DLGAP2: variants seen among roughly 807,000 people sequenced by gnomAD.
The protein encoded by DLGAP2 is DLG associated protein 2.
In DLGAP2, 26 loss-of-function variants were observed where a neutral mutation model predicts 100.3. The ratio of observed to expected loss-of-function variants is 0.26; its 90% CI spans 0.19 to 0.36. The LOEUF is 0.36. Among genes scored for constraint, DLGAP2 ranks in the 10% least tolerant of loss-of-function variants. The pLI, the probability that DLGAP2 is intolerant of heterozygous loss-of-function variation, is 1.00. For synonymous variants in DLGAP2, 886 were observed against 630.1 expected (o/e 1.41, Z -6.08); for missense variants, 1,858 against 1,453.2 (o/e 1.28, Z -4.53).
At chr8:900,216 G>A (rs539300503) in intron 1 of DLGAP2, among the ~76,000 whole-genome samples, 21 of 149,984 alleles carry the variant, frequency 1.4e-4, no homozygotes, top group South Asian at 6.4e-4. Context: ...GCTCCCGGGC[G>A]GACGGTGGGC....
chr8:1,433,245 G>T (rs905551287), intron 3 of DLGAP2, among the ~76,000 whole-genome samples: 1 of 152,178 alleles, frequency 6.6e-6, no homozygotes, highest in South Asian at 2.1e-4. Context: ...TGCTTCCTGT[G>T]CCTCTGGCAA....
chr8:1,313,654 T>C lies in DLGAP2; in HGVS notation c.106+54771T>C, dbSNP rs115057825. ...ATTCAGGCTTCACAGCGGCAGGCTCTGTCCCGGGATACCTCAAGTCCCACC... is the reference window on the plus strand; with the variant it reads ...ATTCAGGCTTCACAGCGGCAGGCTCCGTCCCGGGATACCTCAAGTCCCACC... On this transcript the variant is annotated intron_variant, in intron 3 of 14. Transcript: ENST00000637795. 3.8e-3 allele frequency among the ~76,000 whole-genome samples: 585 copies of C among 152,322 alleles called. 4 individuals are homozygous for C. Among genetic ancestry groups the C allele is most frequent in the African/African-American group, 0.014 (566 of 41,578 alleles).
chr8:1,451,964 A>G (rs1798172137), intron 3 of DLGAP2, among the ~76,000 whole-genome samples: 1 of 152,016 alleles, frequency 6.6e-6, no homozygotes, highest in Admixed American at 6.6e-5. Context: ...CCCATATCTG[A>G]CTCTTAAAAC....
intron 1 of DLGAP2, among the ~76,000 whole-genome samples, chr8:886,813 G>T (rs1033556501): frequency 3.3e-5 from 5 of 152,234 alleles, no homozygotes; most frequent in African/African-American, 1.2e-4. Context: ...CATAATAGTT[G>T]CCATGTGGCA....
intron 2 of DLGAP2, among the ~76,000 whole-genome samples, chr8:1,173,736 A>G (rs1457684015): frequency 6.6e-6 from 1 of 152,148 alleles, no homozygotes; most frequent in Non-Finnish European, 1.5e-5. Context: ...CATCGGAAAA[A>G]GCACAGTATT....
rs536070735 is a variant in DLGAP2 at position 1,696,331 on chromosome 8, T to C, written c.2797-816T>C. On this transcript the variant is annotated intron_variant, in intron 13 of 14. Transcript: ENST00000637795. ...CCCTGGGCAACACAGCCAGACCCCA[T>C]TGCTACAAAATTAAAGAAATTAGCT... Among the ~76,000 whole-genome samples the C allele has an allele frequency of 4.6e-5, 7 of 152,178 alleles. No individual in the cohort carries two copies. The South Asian group carries it at 1.2e-3, about 27-fold the overall frequency.
chr8:1,430,011 T>TATATACAC (rs1554467364), intron 3 of DLGAP2, among the ~76,000 whole-genome samples: 1 of 63,960 alleles, frequency 1.6e-5, no homozygotes, highest in African/African-American at 5.5e-5. Context: ...TATATACATA[T>TATATACAC]ATATATATAT....
chr8:1,050,304 A>G (rs2123058), intron 2 of DLGAP2, among the ~76,000 whole-genome samples: 48,000 of 152,130 alleles, frequency 0.32, 7,888 homozygotes, highest in Middle Eastern at 0.39. Flanking sequence ...TGAATGCCAT[A>G]CGAGTGCCCC....
At chr8:1,541,126 G>C (rs11136407) in intron 4 of DLGAP2, among the ~76,000 whole-genome samples, 68,599 of 152,064 alleles carry the variant, frequency 0.45, 15,603 homozygotes, top group East Asian at 0.58. Flanking sequence ...AATTTGCGGA[G>C]GATGTAAACT....
intron 3 of DLGAP2, among the ~76,000 whole-genome samples, chr8:1,442,777 A>G (rs1047283746): frequency 2.0e-5 from 3 of 148,118 alleles, no homozygotes; most frequent in African/African-American, 7.8e-5. Context: ...CCGGGCATAG[A>G]CCCACCAGGC....
intron 3 of DLGAP2, among the ~76,000 whole-genome samples, chr8:1,417,051 G>T (rs990027082): frequency 1.9e-4 from 27 of 143,674 alleles, no homozygotes; most frequent in African/African-American, 6.1e-4. Flanking sequence ...GCCCCACACT[G>T]TCCCCGGCGG....
At chr8:1,470,303 C>G (rs998170838) in intron 3 of DLGAP2, among the ~76,000 whole-genome samples, 3 of 152,158 alleles carry the variant, frequency 2.0e-5, no homozygotes, top group Admixed American at 2.0e-4. Context: ...CACTTCTCAG[C>G]CCCCAATGCC....
At chr8:1,303,172 T>C (rs372062990) in intron 3 of DLGAP2, among the ~76,000 whole-genome samples, 25 of 151,470 alleles carry the variant, frequency 1.7e-4, no homozygotes, top group African/African-American at 4.4e-4. Flanking sequence ...CCGAGGCGGG[T>C]GGATCACAAG....
chr8:1,169,866 A>C (rs7816887), intron 2 of DLGAP2, among the ~76,000 whole-genome samples: 25,537 of 147,948 alleles, frequency 0.17, 2,635 homozygotes, highest in Middle Eastern at 0.34. Context: ...TAATTGAATA[A>C]CCTTTATTTC....
rs763974651 is a variant in DLGAP2, at chr8:1,632,888, T to G, written c.1652T>G (p.Val551Gly). The G allele has an allele frequency of 6.2e-7, 1 of 1,613,962 alleles. No homozygotes were observed. The highest frequency in any genetic ancestry group is 8.5e-7 in the Non-Finnish European group (1 of 1,179,856). Residue 551 changes from valine to glycine, a missense_variant, in exon 8 of 15, where the codon GTT becomes GGT. Val to Gly is a moderately radical substitution (Grantham distance 109). Coordinates refer to ENST00000637795, the MANE Select transcript of DLGAP2 (RefSeq NM_001346810.2). The part of the protein sequence containing the change: ...ESVCESVFSE[V>G]ESQAMDALDL... ...GTGTGCGAGTCCGTCTTCAGTGAAG[T>G]TGAATCTCAGGCCATGGATGCCCTC... is the stretch of plus-strand genomic sequence containing the variant.
intron 2 of DLGAP2, among the ~76,000 whole-genome samples, chr8:1,094,219 G>C (rs1371816770): frequency 3.3e-5 from 5 of 152,256 alleles, no homozygotes; most frequent in African/African-American, 1.2e-4. Flanking sequence ...ACTTTGGACG[G>C]TAGAGCTGGG....
At chr8:1,518,071 G>A (rs780861068) in intron 4 of DLGAP2, among the ~76,000 whole-genome samples, 1 of 152,230 alleles carries the variant, frequency 6.6e-6, no homozygotes, top group Non-Finnish European at 1.5e-5. Context: ...GCTGCTGCCG[G>A]ATGATGGAGT....
intron 3 of DLGAP2, among the ~76,000 whole-genome samples, chr8:1,377,235 G>A (rs904536673): frequency 2.0e-5 from 3 of 152,236 alleles, no homozygotes; most frequent in African/African-American, 7.2e-5. Context: ...GGCCAGCCAG[G>A]AGGGGGCTGC....
chr8:1,044,169 C>A (rs1255638623), intron 2 of DLGAP2, among the ~76,000 whole-genome samples: 1 of 152,158 alleles, frequency 6.6e-6, no homozygotes, highest in African/African-American at 2.4e-5. Context: ...CTGGCACAGA[C>A]TAGGGGCCCA....
Sources: allele counts gnomAD v4.1 joint callset (sites outside exome capture counted in the v4.1 genomes callset), GRCh38; gene constraint gnomAD v4.1.1; transcripts MANE v1.5; gene names NCBI Gene and HGNC (gene_info 2026-07-23, HGNC 2026-07-21).